Variants in WDSUB1 observed in about 807,000 individuals in gnomAD.
The protein encoded by WDSUB1 is WD repeat, sterile alpha motif and U-box domain containing 1.
WDSUB1 carries 49 observed loss-of-function variants against 53.9 expected under a neutral mutation model. The observed-to-expected ratio is 0.91, with a 90% CI of 0.72 to 1.15. The LOEUF (loss-of-function observed/expected upper bound fraction) is 1.15. Ranked by LOEUF, WDSUB1 falls within the 50% of genes most tolerant of loss-of-function variation. WDSUB1 has a pLI of 0.00. For synonymous variants in WDSUB1, 194 were observed against 200.6 expected, an observed-to-expected ratio of 0.97 and a Z score of 0.28; for missense variants, 514 against 562.0, an observed-to-expected ratio of 0.91 and a Z score of 0.86.
intron 3 of WDSUB1, among the ~76,000 whole-genome samples, chr2:159,278,805 T>G (rs1311903534): frequency 6.6e-6 from 1 of 152,188 alleles, no homozygotes; most frequent in Admixed American, 6.5e-5. Flanking sequence ...TAATCATATC[T>G]TAACAAGCCA....
Position 159,248,374 on chromosome 2 carries a change from G to A in WDSUB1, c.1271C>T (p.Ser424Leu). ...ACTTAGTATAGCATCACACATACCT[G>A]ATGCGATGACCGGATCTTTCATAAG... ...RELMKDPVIA[S>L]DGYSYEKEAM... The change falls in exon 10 of 11, where the codon TCA becomes TTA. Residue 424 changes from serine (S) to leucine (L), a missense_variant and splice_region_variant. Coordinates refer to ENST00000359774, the MANE Select transcript of WDSUB1 (RefSeq NM_001128212.3). 1 of 1,611,544 alleles carries A rather than the reference G, an allele frequency of 6.2e-7. No individual in the cohort carries two copies. Among genetic ancestry groups the A allele is most frequent in the Non-Finnish European group, 8.5e-7 (1 of 1,179,172 alleles).
At chr2:159,255,282 A>G (rs1435096305) in intron 9 of WDSUB1, among the ~76,000 whole-genome samples, 2 of 152,076 alleles carry the variant, frequency 1.3e-5, no homozygotes, top group African/African-American at 4.8e-5. Context: ...CCTGGCTAAC[A>G]TGGTGAAACC....
chr2:159,241,380 G>A (rs1234167006), intron 10 of WDSUB1, among the ~76,000 whole-genome samples: 2 of 152,118 alleles, frequency 1.3e-5, no homozygotes, highest in South Asian at 2.1e-4. Flanking sequence ...TGGCCAACGT[G>A]GCAAAACCCT....
chr2:159,237,010 A>G (rs907121651), intron 10 of WDSUB1, among the ~76,000 whole-genome samples: 12 of 152,122 alleles, frequency 7.9e-5, no homozygotes, highest in Admixed American at 7.2e-4. Flanking sequence ...TTTCATTTTT[A>G]TACTTGTAGC....
rs146292479 is a variant in WDSUB1, at chr2:159,253,863, T to C, written c.1132+2333A>G. 2.2e-4 allele frequency among the ~76,000 whole-genome samples: 33 copies of C among 152,368 alleles called. No individual in the cohort carries two copies. The East Asian group carries it at 6.2e-3, about 28-fold the overall frequency. On this transcript the variant is annotated intron_variant, in intron 9 of 10. Coordinates refer to ENST00000359774, the MANE Select transcript of WDSUB1 (RefSeq NM_001128212.3). ...TCATTGTAGCTTACAATACCATTTA[T>C]AGAAGATTAAAGTTAGCCACTTGAT... is the stretch of plus-strand genomic sequence containing the variant.
At chr2:159,266,877 G>C (rs983092036) in intron 5 of WDSUB1, among the ~76,000 whole-genome samples, 1 of 152,120 alleles carries the variant, frequency 6.6e-6, no homozygotes, top group Non-Finnish European at 1.5e-5. Flanking sequence ...AGGCTCAAGC[G>C]ATCCTCCCAC....
chr2:159,278,833 G>C (rs1315889431), intron 3 of WDSUB1, among the ~76,000 whole-genome samples: 4 of 152,106 alleles, frequency 2.6e-5, no homozygotes, highest in African/African-American at 9.7e-5. Flanking sequence ...GCTTGAAAAG[G>C]GGGGAAATAC....
chr2:159,250,160 G>GAGTAATAA (rs1289928708), intron 9 of WDSUB1, among the ~76,000 whole-genome samples: 1 of 151,274 alleles, frequency 6.6e-6, no homozygotes, highest in Non-Finnish European at 1.5e-5. Flanking sequence ...GCTGTGTCAC[G>GAGTAATAA]AGTAATAAAC....
intron 5 of WDSUB1, among the ~76,000 whole-genome samples, chr2:159,269,228 TG>T (rs1199832509): frequency 2.7e-5 from 4 of 146,014 alleles, no homozygotes; most frequent in African/African-American, 7.6e-5. Flanking sequence ...TGGAGTGCAG[TG>T]GTGTGATCTC....
intron 9 of WDSUB1, among the ~76,000 whole-genome samples, chr2:159,255,391 T>C (rs1257193600): frequency 3.3e-5 from 5 of 152,166 alleles, no homozygotes; most frequent in African/African-American, 1.2e-4. Context: ...GGTGTGAACC[T>C]GGGAGGCGGA....
intron 5 of WDSUB1, among the ~76,000 whole-genome samples, chr2:159,265,120 C>A (rs998478640): frequency 4.1e-5 from 6 of 146,618 alleles, no homozygotes; most frequent in African/African-American, 1.0e-4. Context: ...ACAACAACAA[C>A]AACAAAAAAA....
chr2:159,241,719 C>CTTTTTTCTT lies in WDSUB1; in HGVS notation c.1274-5530_1274-5529insAAGAAAAAA, dbSNP rs1553625632. On this transcript the variant is annotated intron_variant, in intron 10 of 10. Coordinates refer to ENST00000359774, the MANE Select transcript of WDSUB1 (RefSeq NM_001128212.3). ...CATGACTGGGGATGTTTTCTTTTTT[C>CTTTTTTCTT]TTTTTTTTTTTGAGATGGAGTCTCA... 8.4e-5 allele frequency among the ~76,000 whole-genome samples: 11 copies of CTTTTTTCTT among 130,332 alleles called. 3 individuals carry two copies. The highest frequency in any genetic ancestry group is 2.2e-4 in the African/African-American group (7 of 31,638). The allele number at this position is 130,332 out of a possible 152,430, so 85.5% of individuals were successfully genotyped here. A position where few individuals can be genotyped will look rare whatever the true frequency, so the allele number is the denominator to read the frequency against.
At chr2:159,251,008 A>C (rs1350694869) in intron 9 of WDSUB1, among the ~76,000 whole-genome samples, 1 of 152,042 alleles carries the variant, frequency 6.6e-6, no homozygotes, top group Non-Finnish European at 1.5e-5. Context: ...TCATGCCTAT[A>C]ATCTCAGCAC....
At chr2:159,262,905 C>A (rs2303336) in intron 5 of WDSUB1, among the ~76,000 whole-genome samples, 63 of 152,254 alleles carry the variant, frequency 4.1e-4, no homozygotes, top group African/African-American at 1.5e-3. Flanking sequence ...GCTATAGTTC[C>A]TCCCCCAAAT....
chr2:159,236,289 T>C (rs2060479792), intron 10 of WDSUB1, 99 bp from the exon 11 acceptor site: 13 of 1,192,404 alleles, frequency 1.1e-5, no homozygotes, highest in Non-Finnish European at 1.5e-5. Flanking sequence ...AGGCCTTTAT[T>C]GTGACTTAAG....
At chr2:159,252,195 C>T (rs964105861) in intron 9 of WDSUB1, among the ~76,000 whole-genome samples, 2 of 151,994 alleles carry the variant, frequency 1.3e-5, no homozygotes, top group East Asian at 3.9e-4. Flanking sequence ...AGAGAAGACA[C>T]GAAACCTATA....
At position 159,250,282 on chromosome 2, in the gene WDSUB1, A is replaced by G. The variant is rs550937707; in HGVS notation, c.1133-1770T>C. ...TCCTCTGACTTCCTTCCAATGGGAT[A>G]TGCTGAAATGAAACTGAGGATTTTT... On this transcript the variant is annotated intron_variant, in intron 9 of 10. Coordinates refer to ENST00000359774, the MANE Select transcript of WDSUB1 (RefSeq NM_001128212.3). 1.4e-4 allele frequency among the ~76,000 whole-genome samples: 21 copies of G among 152,288 alleles called. No individual in the cohort carries two copies. In the East Asian group the frequency reaches 2.3e-3, roughly 17 times the overall value.
chr2:159,266,967 C>A (rs2061358839), intron 5 of WDSUB1, among the ~76,000 whole-genome samples: 1 of 151,968 alleles, frequency 6.6e-6, no homozygotes. Flanking sequence ...GAGACCAGGT[C>A]TTCCTATGTT....
At chr2:159,260,344 T>C (rs1405646561) in intron 5 of WDSUB1, among the ~76,000 whole-genome samples, 1 of 152,074 alleles carries the variant, frequency 6.6e-6, no homozygotes, top group African/African-American at 2.4e-5. Context: ...TAGAAAATTA[T>C]AAGCTTTATT....
Sources: allele counts gnomAD v4.1 joint callset (sites outside exome capture counted in the v4.1 genomes callset), GRCh38; gene constraint gnomAD v4.1.1; transcripts MANE v1.5; gene names NCBI Gene and HGNC (gene_info 2026-07-23, HGNC 2026-07-21).